FAM83F: variants seen among roughly 807,000 people sequenced by gnomAD.
FAM83F encodes the protein protein FAM83F.
A neutral mutation model predicts 42.9 loss-of-function variants in FAM83F; 45 were observed. The observed-to-expected ratio is 1.05, with a 90% CI of 0.83 to 1.35. FAM83F has a LOEUF of 1.35. Ranked by LOEUF, FAM83F falls within the 40% of genes most tolerant of loss-of-function variation. The pLI is 0.00. For synonymous variants in FAM83F, 306 were observed against 298.3 expected (o/e 1.03, Z -0.27); for missense variants, 617 against 695.9 (o/e 0.89, Z 1.28).
In FAM83F at chr22:40,030,345, C is replaced by A. The variant is rs982995547; in HGVS notation, c.*780C>A. 6.6e-5 allele frequency: 10 copies of A among 152,158 alleles called. No individual in the cohort carries two copies. Among genetic ancestry groups the A allele is most frequent in the African/African-American group, 1.9e-4 (8 of 41,378 alleles). The allele number at this position is 152,158 out of a possible 1,614,324, so 9.4% of individuals were successfully genotyped here. A position where few individuals can be genotyped will look rare whatever the true frequency, so the allele number is the denominator to read the frequency against. The stretch of plus-strand genomic sequence containing the variant: ...GGCCTATGTGGGGGTCCTTACAGGG[C>A]CTTTACCTGGGACTGCTCCTTCCCT... On this transcript the variant is annotated 3_prime_UTR_variant, in exon 5 of 5. Coordinates refer to ENST00000333407, the MANE Select transcript of FAM83F (RefSeq NM_138435.4).
rs117011394 is a variant in FAM83F at position 40,023,328 on chromosome 22, C to G, written c.1453+1365C>G. ...GCCCCATCCCCATTCCTCCTGGGCT[C>G]CCTGGCTCCCCTAACACCAGCTGCT... On this transcript the variant is annotated intron_variant, in intron 4 of 4. Coordinates refer to ENST00000333407, the MANE Select transcript of FAM83F (RefSeq NM_138435.4). This position sits in a 1 kb window ranked among gnomAD's most constrained non-coding sequence, Gnocchi z 4.1. 6.0e-4 allele frequency among the ~76,000 whole-genome samples: 91 copies of G among 150,622 alleles called. 2 individuals are homozygous for G. The East Asian group carries it at 0.017, about 28-fold the overall frequency.
Position 40,038,004 on chromosome 22 carries a change from C to G in FAM83F, c.*8439C>G, listed in dbSNP as rs990677858. The G allele has an allele frequency of 6.6e-5, 10 of 152,286 alleles. No homozygotes were observed. The highest frequency in any genetic ancestry group is 2.4e-4 in the African/African-American group (10 of 41,454). 9.4% of individuals were successfully genotyped at this position (152,286 alleles called of 1,614,324 possible). A position where few individuals can be genotyped will look rare whatever the true frequency, so the allele number is the denominator to read the frequency against. On this transcript the variant is annotated 3_prime_UTR_variant, in exon 5 of 5. Coordinates refer to ENST00000333407, the MANE Select transcript of FAM83F (RefSeq NM_138435.4). ...AGTAGCTGGGCTTACAGATGTGAGC[C>G]ACTGCACCTGCTCAACATTTAATTT...
At chr22:39,999,336 G>T (rs901458992) in intron 1 of FAM83F, among the ~76,000 whole-genome samples, 3 of 152,174 alleles carry the variant, frequency 2.0e-5, no homozygotes, top group African/African-American at 7.2e-5. Context: ...GTGACCAGCG[G>T]CATCCAATTT....
At chr22:40,008,730 G>A (rs1003962758) in intron 1 of FAM83F, among the ~76,000 whole-genome samples, 9 of 152,126 alleles carry the variant, frequency 5.9e-5, no homozygotes, top group African/African-American at 9.7e-5. Context: ...TCTTCAATAC[G>A]CATACCCACA....
chr22:40,007,219 C>T (rs1168804165), intron 1 of FAM83F, among the ~76,000 whole-genome samples: 1 of 142,406 alleles, frequency 7.0e-6, no homozygotes, highest in Non-Finnish European at 1.5e-5. Flanking sequence ...TGTGCAGCCT[C>T]CTCTCCTCTC....
At chr22:40,011,171 A>G (rs1389897244) in intron 1 of FAM83F, among the ~76,000 whole-genome samples, 1 of 152,048 alleles carries the variant, frequency 6.6e-6, no homozygotes, top group Non-Finnish European at 1.5e-5. Context: ...ATGCAGTGTT[A>G]TGTTATGCAG....
At chr22:40,013,306 T>A (rs762352170) in intron 1 of FAM83F, among the ~76,000 whole-genome samples, 10 of 152,184 alleles carry the variant, frequency 6.6e-5, no homozygotes, top group Non-Finnish European at 1.5e-4. Context: ...TAGGGATGGA[T>A]CCACCTCTAT....
Position 40,019,196 on chromosome 22 carries a change from C to T in FAM83F, c.518C>T (p.Thr173Ile). ...ATTGCTGTGGTCATGGACCTCTTCACTGATGGTGATATCTTTCAAGACATT... is the reference window on the plus strand; with the variant it reads ...ATTGCTGTGGTCATGGACCTCTTCATTGATGGTGATATCTTTCAAGACATT... The part of the protein sequence containing the change: ...KVIAVVMDLF[T>I]DGDIFQDIVD... The change falls in exon 2 of 5, where the codon ACT (threonine) becomes ATT (isoleucine). Residue 173 changes from threonine (T) to isoleucine (I), a missense_variant. Transcript: ENST00000333407. 3 of 1,614,164 alleles carry T rather than the reference C, an allele frequency of 1.9e-6. No individual in the cohort carries two copies. The South Asian group carries it at 3.3e-5, about 18-fold the overall frequency.
In FAM83F at chr22:39,995,355, C is replaced by T; in HGVS notation, c.313C>T (p.Leu105=). The change falls in exon 1 of 5, where the codon CTG becomes TTG. Residue 105 remains leucine, a synonymous_variant. Transcript: ENST00000333407. The surrounding 1 kb of genome is among the most constrained non-coding windows in gnomAD (Gnocchi z 4.6). The part of the protein sequence containing the change: ...APAPAESGES[L]AYWPDRSDTE... Reference sequence around the variant, plus strand: ...GGCGCCGGCTGAGTCCGGCGAGTCCCTGGCCTACTGGCCCGACCGTTCCGA... The same window carrying T: ...GGCGCCGGCTGAGTCCGGCGAGTCCTTGGCCTACTGGCCCGACCGTTCCGA... 1 of 1,543,324 alleles carries T rather than the reference C, an allele frequency of 6.5e-7. No homozygotes were observed. Among genetic ancestry groups the T allele is most frequent in the Non-Finnish European group, 8.7e-7 (1 of 1,146,498 alleles).
chr22:40,031,447 C>A lies in FAM83F; in HGVS notation c.*1882C>A. 1 of 152,386 alleles carries A rather than the reference C, an allele frequency of 6.6e-6. No individual in the cohort carries two copies. Among genetic ancestry groups the A allele is most frequent in the Non-Finnish European group, 1.5e-5 (1 of 68,092 alleles). 9.4% of individuals were successfully genotyped at this position (152,386 alleles called of 1,614,324 possible). A position where few individuals can be genotyped will look rare whatever the true frequency, so the allele number is the denominator to read the frequency against. On this transcript the variant is annotated 3_prime_UTR_variant, in exon 5 of 5. Coordinates refer to ENST00000333407, the MANE Select transcript of FAM83F (RefSeq NM_138435.4). ...GCAAGTCAGCCAAGGGCATCTGTGC[C>A]TCCCCTGCCAGAAGAGCAGGCCCTG...
chr22:40,005,304 T>G (rs562972676), intron 1 of FAM83F, among the ~76,000 whole-genome samples: 82 of 152,376 alleles, frequency 5.4e-4, no homozygotes, highest in Non-Finnish European at 1.1e-3. Context: ...CTTGTGTATC[T>G]TCTTTGGATT....
chr22:40,039,273 A>T lies in FAM83F; in HGVS notation c.*9708A>T, dbSNP rs2067641340. The T allele has an allele frequency of 2.6e-5, 4 of 152,054 alleles. No homozygotes were observed. The highest frequency in any genetic ancestry group is 2.0e-4 in the Admixed American group (3 of 15,272). 9.4% of individuals were successfully genotyped at this position (152,054 alleles called of 1,614,324 possible). A position where few individuals can be genotyped will look rare whatever the true frequency, so the allele number is the denominator to read the frequency against. ...AGGTGCGCGCCACCATACCCAGCTA[A>T]TTTTTGTATTTTTAGTAGAGATGAG... On this transcript the variant is annotated 3_prime_UTR_variant, in exon 5 of 5. Coordinates refer to ENST00000333407, the MANE Select transcript of FAM83F (RefSeq NM_138435.4).
At chr22:40,018,091 AG>A (rs936862636) in intron 1 of FAM83F, among the ~76,000 whole-genome samples, 3 of 152,224 alleles carry the variant, frequency 2.0e-5, no homozygotes, top group African/African-American at 7.2e-5. Flanking sequence ...CTTGCCTTCC[AG>A]GGTGGATAAT....
chr22:39,997,204 G>A (rs1363494507), intron 1 of FAM83F, among the ~76,000 whole-genome samples: 1 of 152,234 alleles, frequency 6.6e-6, no homozygotes, highest in East Asian at 1.9e-4. Flanking sequence ...CCCAGTGTCT[G>A]AAATAATGGT....
intron 4 of FAM83F, among the ~76,000 whole-genome samples, chr22:40,025,804 C>T (rs552676392): frequency 1.2e-4 from 18 of 152,334 alleles, no homozygotes; most frequent in African/African-American, 4.1e-4. Flanking sequence ...AATTAGGGCC[C>T]TCATTTTCCA....
At chr22:40,016,150 G>A (rs985233206) in intron 1 of FAM83F, among the ~76,000 whole-genome samples, 2 of 152,052 alleles carry the variant, frequency 1.3e-5, no homozygotes, top group African/African-American at 4.8e-5. Flanking sequence ...AGTCTCATTG[G>A]TTTACAGAAA....
chr22:40,019,286 A>G lies in FAM83F; in HGVS notation c.608A>G (p.Tyr203Cys). ...YIILDEAGVK[Y>C]FLEMCQDLQL... ...ATCCTGGACGAGGCAGGAGTGAAGTATTTCCTGGAGATGTGTCAGGACCTG... is the reference window on the plus strand; with the variant it reads ...ATCCTGGACGAGGCAGGAGTGAAGTGTTTCCTGGAGATGTGTCAGGACCTG... The change falls in exon 2 of 5, where the codon TAT (tyrosine) becomes TGT (cysteine). Residue 203 changes from tyrosine (Y) to cysteine (C), a missense_variant. Transcript: ENST00000333407. 2 of 1,614,076 alleles carry G rather than the reference A, an allele frequency of 1.2e-6. No homozygotes were observed. Among genetic ancestry groups the G allele is most frequent in the Non-Finnish European group, 1.7e-6 (2 of 1,180,010 alleles).
At chr22:40,025,895 T>G (rs2067549463) in intron 4 of FAM83F, among the ~76,000 whole-genome samples, 1 of 152,184 alleles carries the variant, frequency 6.6e-6, no homozygotes, top group South Asian at 2.1e-4. Flanking sequence ...CCCTGCCCTT[T>G]GAGTGCTGCC....
intron 1 of FAM83F, among the ~76,000 whole-genome samples, chr22:40,005,497 C>G (rs2067422758): frequency 6.6e-6 from 1 of 152,236 alleles, no homozygotes; most frequent in Non-Finnish European, 1.5e-5. Flanking sequence ...TCTGCCTACT[C>G]CCTGGCAGGT....
Sources: allele counts gnomAD v4.1 joint callset (sites outside exome capture counted in the v4.1 genomes callset), GRCh38; gene constraint gnomAD v4.1.1; non-coding constraint Gnocchi (gnomAD v3.1); transcripts MANE v1.5; gene names NCBI Gene and HGNC (gene_info 2026-07-23, HGNC 2026-07-21).